Variants in ERI1 observed in about 807,000 individuals in gnomAD.
The protein encoded by ERI1 is exoribonuclease 1.
ERI1 carries 39 observed loss-of-function variants against 39.7 expected under a neutral mutation model. The observed-to-expected ratio is 0.98, with a 90% confidence interval of 0.76 to 1.28. The LOEUF (loss-of-function observed/expected upper bound fraction) is 1.28. Among genes scored for constraint, ERI1 ranks in the 50% most tolerant of loss-of-function variants. The pLI is 0.00. For synonymous variants in ERI1, 204 were observed against 149.6 expected, an observed-to-expected ratio of 1.36 and a Z score of -2.65; for missense variants, 581 against 416.9, an observed-to-expected ratio of 1.39 and a Z score of -3.43.
intron 3 of ERI1, among the ~76,000 whole-genome samples, chr8:9,078,162 G>A (rs2117444332): frequency 6.6e-6 from 1 of 152,060 alleles, no homozygotes; most frequent in East Asian, 1.9e-4. Flanking sequence ...GCTAATTTTT[G>A]TATTTTTAGT....
intron 3 of ERI1, among the ~76,000 whole-genome samples, chr8:9,071,447 G>A (rs537619130): frequency 7.2e-5 from 11 of 152,288 alleles, no homozygotes; most frequent in African/African-American, 1.9e-4. Flanking sequence ...TTCTAGTAAT[G>A]CCAGCTCTAT....
chr8:9,060,201 G>A (rs1278074121), intron 3 of ERI1, among the ~76,000 whole-genome samples: 2 of 152,134 alleles, frequency 1.3e-5, no homozygotes, highest in East Asian at 3.9e-4. Flanking sequence ...ATAAAGGCTG[G>A]TCTGTTATTG....
chr8:9,065,204 C>G (rs1308627002), intron 3 of ERI1, among the ~76,000 whole-genome samples: 3 of 152,188 alleles, frequency 2.0e-5, no homozygotes, highest in Non-Finnish European at 4.4e-5. Flanking sequence ...CACCAACTAT[C>G]TATAGTACAG....
At chr8:9,089,651 C>T (rs956844983) in intron 3 of ERI1, among the ~76,000 whole-genome samples, 6 of 152,148 alleles carry the variant, frequency 3.9e-5, no homozygotes, top group African/African-American at 1.2e-4. Context: ...AAGTCCTGCC[C>T]GGAGCCCACA....
chr8:9,028,260 C>T (rs921640550), intron 6 of ERI1, among the ~76,000 whole-genome samples: 1 of 152,196 alleles, frequency 6.6e-6, no homozygotes, highest in Non-Finnish European at 1.5e-5. Context: ...AGGTATAGGT[C>T]TATTCCGATT....
intron 3 of ERI1, among the ~76,000 whole-genome samples, chr8:9,041,743 C>G (rs1798026429): frequency 6.6e-6 from 1 of 152,164 alleles, no homozygotes; most frequent in Admixed American, 6.5e-5. Flanking sequence ...AGAGAGATTT[C>G]TTTCTTTTTA....
At chr8:9,097,444 C>A (rs1386921000) in intron 3 of ERI1, among the ~76,000 whole-genome samples, 1 of 152,056 alleles carries the variant, frequency 6.6e-6, no homozygotes, top group Admixed American at 6.6e-5. Flanking sequence ...AGGTGGATCT[C>A]CTGAGTATCA....
intron 6 of ERI1, among the ~76,000 whole-genome samples, chr8:9,021,636 C>T (rs941099930): frequency 1.7e-4 from 26 of 152,006 alleles, no homozygotes; most frequent in African/African-American, 6.3e-4. Context: ...AACCCTAATT[C>T]TTCCTTTCAT....
chr8:9,042,903 A>C (rs1392354187), intron 3 of ERI1, among the ~76,000 whole-genome samples: 1 of 152,230 alleles, frequency 6.6e-6, no homozygotes, highest in Non-Finnish European at 1.5e-5. Flanking sequence ...CACCTGCTTC[A>C]GTCAGTTACC....
In ERI1 at chr8:9,099,612, A is replaced by G. The variant is rs566079163; in HGVS notation, n.300-16736A>G. Among the ~76,000 whole-genome samples the G allele has an allele frequency of 2.9e-4, 44 of 151,818 alleles. No homozygotes were observed. In the South Asian group the frequency reaches 4.4e-3, roughly 15 times the overall value. On this transcript the variant is annotated intron_variant and non_coding_transcript_variant, in intron 3 of 3. Transcript: ENST00000518663. The stretch of plus-strand genomic sequence containing the variant: ...ACTCTCTCTCTCAAAAAAAAAAAAA[A>G]AAAGAAAGAAACAGAAACCCCAACC...
rs574932486 is a variant in ERI1, at chr8:9,081,899, T to G, written n.300-34449T>G. Among the ~76,000 whole-genome samples, 600 of 152,294 alleles carry G rather than the reference T, an allele frequency of 3.9e-3. 4 individuals are homozygous for G. Among genetic ancestry groups the G allele is most frequent in the South Asian group, 0.024 (115 of 4,824 alleles). On this transcript the variant is annotated intron_variant and non_coding_transcript_variant, in intron 3 of 3. Coordinates refer to the ERI1 transcript ENST00000518663. The stretch of plus-strand genomic sequence containing the variant: ...ATTATTCTATGTCTAGACTTCTCAT[T>G]AGCCTGCACTGGAAGACCAAATAAA...
At chr8:9,038,040 G>A (rs1454091595), downstream of ERI1, among the ~76,000 whole-genome samples, 2 of 152,066 alleles carry the variant, frequency 1.3e-5, no homozygotes, top group Non-Finnish European at 2.9e-5. Context: ...AAAGGAAACT[G>A]TACCTATTTG....
intron 3 of ERI1, among the ~76,000 whole-genome samples, chr8:9,041,113 G>C (rs753513816): frequency 6.6e-6 from 1 of 152,226 alleles, no homozygotes; most frequent in East Asian, 1.9e-4. Context: ...CGCATGAAGA[G>C]TACAGTGGGG....
rs1375690488 is a variant in ERI1 at position 9,084,680 on chromosome 8, G to A, written n.300-31668G>A. Among the ~76,000 whole-genome samples, 3 of 152,272 alleles carry A rather than the reference G, an allele frequency of 2.0e-5. No homozygotes were observed. In the East Asian group the frequency reaches 5.8e-4, roughly 29 times the overall value. On this transcript the variant is annotated intron_variant and non_coding_transcript_variant, in intron 3 of 3. Transcript: ENST00000518663. ...ATTCTGGGGGCTGCTCCTGGAAGAT[G>A]ACCCAGGAAAATATTCCTCCCTCTT...
chr8:9,013,781 C>G (rs1453155316), intron 3 of ERI1, among the ~76,000 whole-genome samples: 2 of 152,156 alleles, frequency 1.3e-5, no homozygotes, highest in Non-Finnish European at 2.9e-5. Context: ...TCTAATTGCT[C>G]AGTTCAAAAA....
At chr8:9,060,834 T>C (rs1279332407) in intron 3 of ERI1, among the ~76,000 whole-genome samples, 3 of 152,200 alleles carry the variant, frequency 2.0e-5, no homozygotes, top group African/African-American at 4.8e-5. Flanking sequence ...ATCTGATGCG[T>C]TTTGATGCCC....
intron 4 of ERI1, among the ~76,000 whole-genome samples, chr8:9,017,929 C>G (rs1232431663): frequency 6.6e-6 from 1 of 152,064 alleles, no homozygotes; most frequent in Non-Finnish European, 1.5e-5. Flanking sequence ...ATTGTGAGAC[C>G]TGAGATGGGA....
intron 3 of ERI1, chr8:9,091,400 A>G (rs1799699370): frequency 6.6e-6 from 1 of 152,264 alleles, no homozygotes; most frequent in African/African-American, 2.4e-5. Context: ...ATGCACCTGT[A>G]ATCTCAGTTA....
At chr8:9,016,054 T>C (rs1397259645) in intron 3 of ERI1, among the ~76,000 whole-genome samples, 1 of 152,206 alleles carries the variant, frequency 6.6e-6, no homozygotes, top group Non-Finnish European at 1.5e-5. Flanking sequence ...TTATTAATAT[T>C]TTGTTCCTCA....
Sources: allele counts gnomAD v4.1 joint callset (sites outside exome capture counted in the v4.1 genomes callset), GRCh38; gene constraint gnomAD v4.1.1; transcripts MANE v1.5; gene names NCBI Gene and HGNC (gene_info 2026-07-23, HGNC 2026-07-21).